Variants in MET observed in about 807,000 individuals in gnomAD.
MET encodes MET proto-oncogene, receptor tyrosine kinase, also known as hepatocyte growth factor receptor.
Under a neutral mutation model 133.1 loss-of-function variants are expected in MET, and 48 were observed. The observed-to-expected ratio is 0.36, with a 90% CI of 0.29 to 0.46. MET has a LOEUF of 0.46. MET is among the 20% of genes least tolerant of loss of function. The pLI is 1.00. For synonymous variants in MET, 628 were observed against 616.5 expected, an observed-to-expected ratio of 1.02 and a Z score of -0.28; for missense variants, 1,442 against 1,695.9, an observed-to-expected ratio of 0.85 and a Z score of 2.63.
At chr7:116,695,157 T>A (rs1361647753) in intron 1 of MET, among the ~76,000 whole-genome samples, 1 of 152,236 alleles carries the variant, frequency 6.6e-6, no homozygotes, top group Non-Finnish European at 1.5e-5. Flanking sequence ...AAGCTCAATT[T>A]TGTTAGATAC....
intron 1 of MET, among the ~76,000 whole-genome samples, chr7:116,683,882 G>T (rs10487353): frequency 0.13 from 19,506 of 152,148 alleles, 2,166 homozygotes; most frequent in African/African-American, 0.3. Context: ...CTAGTCTTCT[G>T]TAAGGCTCCA....
chr7:116,714,309 A>G (rs1015049531), intron 2 of MET, among the ~76,000 whole-genome samples: 1 of 152,224 alleles, frequency 6.6e-6, no homozygotes, highest in Non-Finnish European at 1.5e-5. Context: ...TATTTCATTT[A>G]TATTTAAATG....
intron 5 of MET, among the ~76,000 whole-genome samples, chr7:116,746,029 C>A (rs927733936): frequency 6.6e-6 from 1 of 152,198 alleles, no homozygotes; most frequent in East Asian, 1.9e-4. Context: ...GCAATCTACT[C>A]ATCTGACAAA....
chr7:116,692,152 A>G (rs1796799555), intron 1 of MET, among the ~76,000 whole-genome samples: 1 of 152,212 alleles, frequency 6.6e-6, no homozygotes. Context: ...CATTTAGTAG[A>G]TTTCAGATAA....
chr7:116,763,267 A>G lies in MET; in HGVS notation c.2582A>G (p.Lys861Arg), dbSNP rs895820328. Residue 861 changes from lysine (K) to arginine (R), a missense_variant and splice_region_variant, in exon 11 of 21, where the codon AAG (lysine) becomes AGG (arginine). By Grantham distance (26) the Lys-to-Arg change is conservative. Transcript: ENST00000397752. ...GGCAATGAAAATGTACTGGAAATTAAGGTAAGAAATGCTTTAAACACTGTC... is the reference window on the plus strand; with the variant it reads ...GGCAATGAAAATGTACTGGAAATTAGGGTAAGAAATGCTTTAAACACTGTC... ...SMGNENVLEI[K>R]GNDIDPEAVK... 1 of 1,613,076 alleles carries G rather than the reference A, an allele frequency of 6.2e-7. No individual in the cohort carries two copies. The highest frequency in any genetic ancestry group is 8.5e-7 in the Non-Finnish European group (1 of 1,179,220).
chr7:116,745,073 T>C (rs1793615241), intron 5 of MET, among the ~76,000 whole-genome samples: 1 of 152,200 alleles, frequency 6.6e-6, no homozygotes, highest in African/African-American at 2.4e-5. Flanking sequence ...TAAGCAACTT[T>C]AGCAAAGTCT....
chr7:116,761,886 G>C (rs1794411695), intron 10 of MET, among the ~76,000 whole-genome samples: 1 of 152,000 alleles, frequency 6.6e-6, no homozygotes. Flanking sequence ...AATTCTGTTT[G>C]TCCTTTTTAT....
At chr7:116,728,700 C>T (rs368852748) in intron 2 of MET, among the ~76,000 whole-genome samples, 95 of 152,292 alleles carry the variant, frequency 6.2e-4, no homozygotes, top group African/African-American at 1.9e-3. Flanking sequence ...TCATTAAATG[C>T]CTACTGGGTG....
intron 14 of MET, among the ~76,000 whole-genome samples, chr7:116,774,477 T>TA (rs1794929190): frequency 6.6e-6 from 1 of 152,254 alleles, no homozygotes; most frequent in African/African-American, 2.4e-5. Context: ...TTAATTCCAT[T>TA]AACAAATAGT....
At chr7:116,768,554 A>C (rs1794714434) in intron 11 of MET, among the ~76,000 whole-genome samples, 1 of 152,228 alleles carries the variant, frequency 6.6e-6, no homozygotes, top group Non-Finnish European at 1.5e-5. Flanking sequence ...ATCAGGTTAT[A>C]AAGAAGTATT....
chr7:116,748,613 A>T (rs903645501), intron 5 of MET, among the ~76,000 whole-genome samples: 1 of 152,232 alleles, frequency 6.6e-6, no homozygotes, highest in African/African-American at 2.4e-5. Flanking sequence ...AAGACAAGAA[A>T]TAACTAAGAT....
At position 116,699,440 on chromosome 7, in the gene MET, C is replaced by T. The variant is rs904162290; in HGVS notation, c.356C>T (p.Ala119Val). Reference protein sequence around the residue: ...GGVWKDNINMALVVDTYYDDQ... With the variant: ...GGVWKDNINMVLVVDTYYDDQ... ...GTTTGGAAAGATAACATCAACATGG[C>T]TCTAGTTGTCGACACCTACTATGAT... The change falls in exon 2 of 21, where the codon GCT becomes GTT. Residue 119 changes from alanine (A) to valine (V), a missense_variant. Ala to Val is a moderately conservative substitution (Grantham distance 64). Coordinates refer to ENST00000397752, the MANE Select transcript of MET (RefSeq NM_000245.4). The T allele has an allele frequency of 6.8e-6, 11 of 1,613,932 alleles. No homozygotes were observed. The highest frequency in any genetic ancestry group is 1.7e-5 in the Admixed American group (1 of 59,988).
chr7:116,708,320 T>C (rs1361822975), intron 2 of MET, among the ~76,000 whole-genome samples: 1 of 152,182 alleles, frequency 6.6e-6, no homozygotes, highest in Non-Finnish European at 1.5e-5. Flanking sequence ...ACGTCTTTAG[T>C]ACACAGGCAA....
At position 116,700,160 on chromosome 7, in the gene MET, G is replaced by A. The variant is rs201274041; in HGVS notation, c.1076G>A (p.Arg359Gln). Residue 359 changes from arginine (R) to glutamine (Q), a missense_variant, in exon 2 of 21, where the codon CGA (arginine) becomes CAA (glutamine). By Grantham distance (43) the Arg-to-Gln change is conservative. Coordinates refer to ENST00000397752, the MANE Select transcript of MET (RefSeq NM_000245.4). ...SKPDSAEPMD[R>Q]SAMCAFPIKY... ...CCAGATTCTGCCGAACCAATGGATCGATCTGCCATGTGTGCATTCCCTATC... is the reference window on the plus strand; with the variant it reads ...CCAGATTCTGCCGAACCAATGGATCAATCTGCCATGTGTGCATTCCCTATC... 3.2e-4 allele frequency: 505 copies of A among 1,594,300 alleles called. 1 individual carries two copies. The highest frequency in any genetic ancestry group is 4.1e-4 in the Non-Finnish European group (477 of 1,171,296).
chr7:116,746,023 T>A (rs62470763), intron 5 of MET, among the ~76,000 whole-genome samples: 1 of 152,086 alleles, frequency 6.6e-6, no homozygotes, highest in Non-Finnish European at 1.5e-5. Context: ...ATTTTTGCAA[T>A]CTACTCATCT....
chr7:116,678,171 G>A (rs550225195), intron 1 of MET, among the ~76,000 whole-genome samples: 66 of 152,242 alleles, frequency 4.3e-4, no homozygotes, highest in South Asian at 1.7e-3. Flanking sequence ...GCACTAATTT[G>A]TTTCCTTTAA....
chr7:116,745,388 C>A (rs542296514), intron 5 of MET, among the ~76,000 whole-genome samples: 124 of 152,318 alleles, frequency 8.1e-4, no homozygotes, highest in South Asian at 1.7e-3. Flanking sequence ...CCATCCCCAT[C>A]AAGCTACCAA....
intron 1 of MET, among the ~76,000 whole-genome samples, chr7:116,694,360 T>TA (rs975238497): frequency 6.6e-6 from 1 of 152,198 alleles, no homozygotes; most frequent in Non-Finnish European, 1.5e-5. Flanking sequence ...TTTCTTTAAT[T>TA]AAAAAAGTTA....
intron 15 of MET, among the ~76,000 whole-genome samples, chr7:116,776,280 C>T (rs777753098): frequency 6.6e-6 from 1 of 152,158 alleles, no homozygotes; most frequent in Non-Finnish European, 1.5e-5. Flanking sequence ...GAGCGTAATC[C>T]TTTGTGTGCT....
Sources: allele counts gnomAD v4.1 joint callset (sites outside exome capture counted in the v4.1 genomes callset), GRCh38; gene constraint gnomAD v4.1.1; transcripts MANE v1.5; gene names NCBI Gene and HGNC (gene_info 2026-07-23, HGNC 2026-07-21).